MTA3: variants seen among roughly 807,000 people sequenced by gnomAD.
MTA3 encodes metastasis-associated protein MTA3.
In MTA3, 34 loss-of-function variants were observed where a neutral mutation model predicts 83.5. The ratio of observed to expected loss-of-function variants is 0.41; its 90% CI spans 0.31 to 0.54. The LOEUF is 0.54. Ranked by LOEUF, MTA3 falls within the 20% of genes least tolerant of loss-of-function variation. MTA3 has a pLI of 0.33. For missense variants in MTA3, 761 were observed against 726.4 expected (o/e 1.05, Z -0.55); for synonymous variants, 303 against 252.7 (o/e 1.20, Z -1.89).
intron 9 of MTA3, among the ~76,000 whole-genome samples, chr2:42,695,515 A>G (rs974124241): frequency 6.6e-6 from 1 of 151,620 alleles, no homozygotes; most frequent in Non-Finnish European, 1.5e-5. Context: ...ATGTGCTTCT[A>G]ATCCCAGCTG....
chr2:42,756,677 G>A lies in MTA3; in HGVS notation c.*3278G>A. On this transcript the variant is annotated 3_prime_UTR_variant, in exon 17 of 17. Transcript: ENST00000405094. ...TTACTGTTGTCCCTGTTTTCCTTTG[G>A]GGGAATTTACTCAGTTAGCAGCCCC... 1 of 985,456 alleles carries A rather than the reference G, an allele frequency of 1.0e-6. No individual in the cohort carries two copies. The highest frequency in any genetic ancestry group is 4.7e-5 in the South Asian group (1 of 21,278). The allele number at this position is 985,456 out of a possible 1,614,324, so 61.0% of individuals were successfully genotyped here. A position where few individuals can be genotyped will look rare whatever the true frequency, so the allele number is the denominator to read the frequency against.
At chr2:42,501,720 G>A (rs534555037) in intron 2 of MTA3, among the ~76,000 whole-genome samples, 1 of 152,310 alleles carries the variant, frequency 6.6e-6, no homozygotes, top group East Asian at 1.9e-4. Context: ...GCTCATGCCT[G>A]TAATTCCAGC....
chr2:42,559,779 G>A (rs1677577364), intron 2 of MTA3, among the ~76,000 whole-genome samples: 2 of 141,662 alleles, frequency 1.4e-5, no homozygotes, highest in African/African-American at 5.1e-5. Flanking sequence ...TGGAGGCTGA[G>A]GCAGAAGAAT....
At chr2:42,704,464 C>G (rs960500917) in intron 12 of MTA3, 146 bp downstream of exon 12, 2 of 908,096 alleles carry the variant, frequency 2.2e-6, no homozygotes, top group Non-Finnish European at 3.3e-6. Context: ...CCCCTCCTTA[C>G]CTTCTGCCTG....
At chr2:42,622,496 C>G (rs796647738) in intron 4 of MTA3, among the ~76,000 whole-genome samples, 17 of 152,272 alleles carry the variant, frequency 1.1e-4, no homozygotes, top group African/African-American at 3.8e-4. Context: ...ATAACAAATA[C>G]TTGCTAATTT....
intron 12 of MTA3, among the ~76,000 whole-genome samples, chr2:42,706,619 A>C (rs1428227745): frequency 3.3e-5 from 5 of 152,244 alleles, no homozygotes; most frequent in South Asian, 2.1e-4. Flanking sequence ...TTACAGAATT[A>C]CAATTTTTTA....
chr2:42,522,058 C>G (rs1183953798), intron 2 of MTA3, among the ~76,000 whole-genome samples: 1 of 152,088 alleles, frequency 6.6e-6, no homozygotes, highest in African/African-American at 2.4e-5. Context: ...CTGGCCACAC[C>G]TGAATCTTTC....
chr2:42,664,374 A>G (rs1304496558), intron 8 of MTA3, among the ~76,000 whole-genome samples: 2 of 152,002 alleles, frequency 1.3e-5, no homozygotes, highest in Admixed American at 6.6e-5. Flanking sequence ...TGTACCATTA[A>G]ATGAAAATGG....
chr2:42,568,597 AC>A, upstream of MTA3: 1 of 82,590 alleles, frequency 1.2e-5, no homozygotes, highest in Non-Finnish European at 2.5e-5. Flanking sequence ...TACTTCCCCC[AC>A]CCCCTGTCCC....
At chr2:42,594,728 A>ATATATATATATTTT in intron 3 of MTA3, among the ~76,000 whole-genome samples, 31 of 24,038 alleles carry the variant, frequency 1.3e-3, no homozygotes, top group South Asian at 4.1e-3. Context: ...ATATATATAT[A>ATATATATATATTTT]TTTTTTTTTT....
At chr2:42,593,030 G>A (rs1681223514) in intron 3 of MTA3, among the ~76,000 whole-genome samples, 1 of 152,040 alleles carries the variant, frequency 6.6e-6, no homozygotes, top group Non-Finnish European at 1.5e-5. Flanking sequence ...GCATGGGCCT[G>A]TAATCGCAGC....
At chr2:42,518,389 A>C (rs532931438) in intron 2 of MTA3, among the ~76,000 whole-genome samples, 1 of 152,296 alleles carries the variant, frequency 6.6e-6, no homozygotes, top group African/African-American at 2.4e-5. Context: ...CAAACAAATA[A>C]AACAATGATT....
intron 4 of MTA3, among the ~76,000 whole-genome samples, chr2:42,621,332 T>C (rs954650654): frequency 2.6e-5 from 4 of 152,186 alleles, no homozygotes; most frequent in African/African-American, 9.7e-5. Flanking sequence ...TGGTGATGAC[T>C]CTTAACGAGC....
intron 3 of MTA3, among the ~76,000 whole-genome samples, chr2:42,582,536 T>A (rs944858369): frequency 1.3e-5 from 2 of 152,196 alleles, no homozygotes; most frequent in Non-Finnish European, 2.9e-5. Context: ...GCTTGTAATC[T>A]CACCATTTAG....
intron 2 of MTA3, among the ~76,000 whole-genome samples, chr2:42,518,758 G>A (rs1675271416): frequency 6.6e-6 from 1 of 151,898 alleles, no homozygotes; most frequent in African/African-American, 2.4e-5. Context: ...AGGAGCCCAG[G>A]AGTTCAAGAC....
chr2:42,707,580 A>T (rs1401684793), intron 12 of MTA3, among the ~76,000 whole-genome samples: 1 of 152,130 alleles, frequency 6.6e-6, no homozygotes, highest in Non-Finnish European at 1.5e-5. Context: ...CTTTTTGAGA[A>T]CCTATTTCCA....
intron 2 of MTA3, among the ~76,000 whole-genome samples, chr2:42,500,078 G>A (rs999111308): frequency 6.6e-6 from 1 of 152,036 alleles, no homozygotes; most frequent in Non-Finnish European, 1.5e-5. Context: ...AGACCAGCCT[G>A]GGCAACATGG....
chr2:42,661,875 T>C (rs917762172), intron 8 of MTA3, among the ~76,000 whole-genome samples: 1 of 152,208 alleles, frequency 6.6e-6, no homozygotes, highest in Non-Finnish European at 1.5e-5. Context: ...TCAACCATTA[T>C]AGTTAATGTT....
chr2:42,727,994 G>A (rs1400557618), intron 16 of MTA3, among the ~76,000 whole-genome samples: 3 of 151,748 alleles, frequency 2.0e-5, no homozygotes, highest in Non-Finnish European at 4.4e-5. Flanking sequence ...TAACATGTAC[G>A]ATAAATTATT....
Sources: gnomAD v4.1 joint callset for allele counts (sites outside exome capture counted in the v4.1 genomes callset) on GRCh38, gnomAD v4.1.1 for gene constraint, MANE v1.5 for transcripts, NCBI Gene and HGNC (gene_info 2026-07-23, HGNC 2026-07-21) for gene names.